ITPR2: variants seen among roughly 807,000 people sequenced by gnomAD.
The protein encoded by ITPR2 is inositol 1,4,5-trisphosphate receptor type 2, also known as inositol 1,4,5-trisphosphate-gated calcium channel ITPR2.
In ITPR2, 207 loss-of-function variants were observed where a neutral mutation model predicts 317.1. The observed-to-expected ratio is 0.65, with a 90% CI of 0.58 to 0.73. The LOEUF is 0.73. Among genes scored for constraint, ITPR2 ranks in the 30% least tolerant of loss-of-function variants. The pLI, the probability that ITPR2 is intolerant of heterozygous loss-of-function variation, is 0.00. For missense variants in ITPR2, 2,613 were observed against 3,284.0 expected, an observed-to-expected ratio of 0.80 and a Z score of 4.99; for synonymous variants, 1,156 against 1,149.1, an observed-to-expected ratio of 1.01 and a Z score of -0.12.
chr12:26,368,955 T>C (rs566281335), intron 55 of ITPR2, among the ~76,000 whole-genome samples: 3 of 152,286 alleles, frequency 2.0e-5, no homozygotes. Flanking sequence ...AGTGGGGAGA[T>C]GGGACCTCTT....
intron 2 of ITPR2, among the ~76,000 whole-genome samples, chr12:26,731,308 G>T (rs973345630): frequency 1.3e-4 from 20 of 152,158 alleles, no homozygotes; most frequent in African/African-American, 4.3e-4. Context: ...GGAGAAAGGT[G>T]GGGAGGGAAA....
chr12:26,355,493 T>G (rs996804031), intron 55 of ITPR2, among the ~76,000 whole-genome samples: 2 of 152,194 alleles, frequency 1.3e-5, no homozygotes, highest in Admixed American at 6.5e-5. Context: ...TGTGTAAAAT[T>G]GTGAGAGCAT....
chr12:26,382,258 T>C (rs572057077), intron 55 of ITPR2, among the ~76,000 whole-genome samples: 155 of 152,304 alleles, frequency 1.0e-3, no homozygotes, highest in African/African-American at 3.5e-3. Context: ...ACATGAGGGT[T>C]TACATCCCCA....
chr12:26,702,849 G>A (rs560761414), intron 9 of ITPR2, among the ~76,000 whole-genome samples: 3 of 152,066 alleles, frequency 2.0e-5, no homozygotes, highest in Admixed American at 6.5e-5. Context: ...AACTTAAACC[G>A]TGTTAAATCT....
At chr12:26,776,135 T>C (rs1474923453) in intron 2 of ITPR2, among the ~76,000 whole-genome samples, 1 of 151,894 alleles carries the variant, frequency 6.6e-6, no homozygotes, top group Non-Finnish European at 1.5e-5. Flanking sequence ...TCTAACAGTA[T>C]GGAGAACACT....
chr12:26,783,739 A>G (rs539450655), intron 2 of ITPR2, among the ~76,000 whole-genome samples: 10 of 152,304 alleles, frequency 6.6e-5, no homozygotes, highest in Non-Finnish European at 1.5e-4. Flanking sequence ...CCTCATTATG[A>G]GGTATTATAT....
At chr12:26,643,169 C>T (rs1947032661) in intron 21 of ITPR2, among the ~76,000 whole-genome samples, 1 of 152,096 alleles carries the variant, frequency 6.6e-6, no homozygotes, top group Non-Finnish European at 1.5e-5. Context: ...CACTGGACAC[C>T]AAATCTGCAG....
At chr12:26,686,429 C>A in intron 11 of ITPR2, 52 bp downstream of exon 11, 1 of 1,204,964 alleles carries the variant, frequency 8.3e-7, no homozygotes, top group East Asian at 2.5e-5. Context: ...TCATTCCTCA[C>A]CTACTGGTAT....
chr12:26,671,897 A>G (rs1205242427), intron 13 of ITPR2, among the ~76,000 whole-genome samples: 2 of 152,194 alleles, frequency 1.3e-5, no homozygotes, highest in Non-Finnish European at 2.9e-5. Flanking sequence ...AGGGGTTGCA[A>G]TCCTAGTCTC....
At chr12:26,428,675 C>T (rs1195774922) in intron 48 of ITPR2, among the ~76,000 whole-genome samples, 1 of 152,162 alleles carries the variant, frequency 6.6e-6, no homozygotes, top group Non-Finnish European at 1.5e-5. Context: ...TAGCTATTTA[C>T]TCATCAGAAA....
intron 1 of ITPR2, among the ~76,000 whole-genome samples, chr12:26,806,270 T>C (rs561483228): frequency 6.6e-6 from 1 of 152,236 alleles, no homozygotes; most frequent in South Asian, 2.1e-4. Flanking sequence ...AGACCCTGCC[T>C]GGCACGGAGT....
intron 55 of ITPR2, among the ~76,000 whole-genome samples, chr12:26,373,903 C>T (rs1442795294): frequency 6.6e-6 from 1 of 152,200 alleles, no homozygotes. Context: ...TTGTTGCTTT[C>T]ATGATATAAC....
intron 22 of ITPR2, among the ~76,000 whole-genome samples, chr12:26,628,730 A>G (rs1027305779): frequency 2.0e-5 from 3 of 152,236 alleles, no homozygotes; most frequent in Admixed American, 6.5e-5. Flanking sequence ...ACAGAAACTA[A>G]GTACCTAGCA....
At chr12:26,809,420 G>T (rs1034382876) in intron 1 of ITPR2, among the ~76,000 whole-genome samples, 12 of 152,150 alleles carry the variant, frequency 7.9e-5, no homozygotes, top group Admixed American at 5.2e-4. Context: ...TGTACACAAT[G>T]AATTTTTTTA....
In ITPR2 at chr12:26,656,549, C is replaced by T; in HGVS notation, c.2193-1G>A. ...CCTTGCAAAGAGGTTTAGCTGGTAC[C>T]TTAAAAATGGTAAACATATTACATT... On this transcript the variant is annotated splice_acceptor_variant, in intron 18 of 56. Coordinates refer to ENST00000381340, the MANE Select transcript of ITPR2 (RefSeq NM_002223.4). LOFTEE classifies it high-confidence loss of function. 2 of 1,613,916 alleles carry T rather than the reference C, an allele frequency of 1.2e-6. No homozygotes were observed. The highest frequency in any genetic ancestry group is 1.7e-6 in the Non-Finnish European group (2 of 1,179,874).
chr12:26,749,634 C>T (rs976304568), intron 2 of ITPR2, among the ~76,000 whole-genome samples: 1 of 152,076 alleles, frequency 6.6e-6, no homozygotes, highest in African/African-American at 2.4e-5. Context: ...TTAACTTATC[C>T]ATTAGTTTCT....
At chr12:26,644,101 G>A (rs1398123126) in intron 21 of ITPR2, among the ~76,000 whole-genome samples, 1 of 152,204 alleles carries the variant, frequency 6.6e-6, no homozygotes, top group East Asian at 1.9e-4. Context: ...AGATTTAGGA[G>A]ATTATCAGGG....
intron 6 of ITPR2, 144 bp from the exon 7 acceptor site, chr12:26,715,979 T>C: frequency 1.4e-6 from 1 of 731,328 alleles, no homozygotes; most frequent in Non-Finnish European, 2.3e-6. Context: ...TGAGAGACCA[T>C]CCAAAAATAG....
At chr12:26,771,649 G>C (rs952712216) in intron 2 of ITPR2, among the ~76,000 whole-genome samples, 3 of 152,032 alleles carry the variant, frequency 2.0e-5, no homozygotes, top group Non-Finnish European at 4.4e-5. Context: ...TGAGCAGCTG[G>C]GACTACAGGT....
Sources: allele counts gnomAD v4.1 joint callset (sites outside exome capture counted in the v4.1 genomes callset), GRCh38; gene constraint gnomAD v4.1.1; transcripts MANE v1.5; gene names NCBI Gene and HGNC (gene_info 2026-07-23, HGNC 2026-07-21).